Variants in MED27 observed in about 807,000 individuals in gnomAD.
MED27 encodes mediator of RNA polymerase II transcription subunit 27.
Under a neutral mutation model 38.2 loss-of-function variants are expected in MED27, and 30 were observed. That is an observed-to-expected ratio of 0.79 (90% CI 0.59 to 1.07). The LOEUF is 1.07. Among genes scored for constraint, MED27 ranks in the 50% least tolerant of loss-of-function variants. The probability of loss-of-function intolerance (pLI) is 0.00; values close to 1 mark genes in which losing one functional copy is unlikely to be tolerated. For synonymous variants in MED27, 122 were observed against 153.5 expected, an observed-to-expected ratio of 0.79 and a Z score of 1.52; for missense variants, 289 against 397.5, an observed-to-expected ratio of 0.73 and a Z score of 2.32.
intron 2 of MED27, among the ~76,000 whole-genome samples, chr9:132,027,637 C>T (rs1832852768): frequency 6.6e-6 from 1 of 152,182 alleles, no homozygotes; most frequent in South Asian, 2.1e-4. Context: ...GCCTTCTCAT[C>T]GATGTAGGCG....
intron 4 of MED27, among the ~76,000 whole-genome samples, chr9:131,909,592 G>C (rs1228193267): frequency 1.3e-5 from 2 of 152,234 alleles, no homozygotes; most frequent in Non-Finnish European, 2.9e-5. Flanking sequence ...TTAATATTTT[G>C]TCTGTAGGAT....
At chr9:131,971,312 C>A (rs1272726389) in intron 3 of MED27, among the ~76,000 whole-genome samples, 6 of 152,272 alleles carry the variant, frequency 3.9e-5, no homozygotes, top group Middle Eastern at 3.4e-3. Flanking sequence ...CACAGGTGGG[C>A]TCAAACTTGG....
chr9:131,991,240 G>C (rs1233442763), intron 3 of MED27, among the ~76,000 whole-genome samples: 1 of 152,204 alleles, frequency 6.6e-6, no homozygotes, highest in Non-Finnish European at 1.5e-5. Context: ...ACCTGTGAGA[G>C]AGAAATACTC....
chr9:132,024,660 A>T (rs114834681), intron 2 of MED27, among the ~76,000 whole-genome samples: 2,150 of 152,334 alleles, frequency 0.014, 53 homozygotes, highest in African/African-American at 0.048. Flanking sequence ...TTCTTCTCAT[A>T]CAACTGTGGA....
intron 3 of MED27, among the ~76,000 whole-genome samples, chr9:131,943,724 T>C (rs1808914868): frequency 6.6e-6 from 1 of 152,220 alleles, no homozygotes; most frequent in Non-Finnish European, 1.5e-5. Context: ...CACATATCTG[T>C]CAACCTGTTA....
intron 2 of MED27, among the ~76,000 whole-genome samples, chr9:132,039,103 A>C (rs934695728): frequency 6.6e-6 from 1 of 152,228 alleles, no homozygotes; most frequent in African/African-American, 2.4e-5. Flanking sequence ...GAATTCCATA[A>C]ACCAAAATGA....
At chr9:132,033,075 C>T (rs1306835298) in intron 2 of MED27, among the ~76,000 whole-genome samples, 1 of 152,192 alleles carries the variant, frequency 6.6e-6, no homozygotes, top group Non-Finnish European at 1.5e-5. Flanking sequence ...AAAGCAGCCC[C>T]ATACATGCTG....
chr9:132,073,481 A>T (rs1455547343), intron 2 of MED27: 1 of 1,186,236 alleles, frequency 8.4e-7, no homozygotes, highest in Non-Finnish European at 1.0e-6. Flanking sequence ...CTCTCCCCTG[A>T]GCCTTATAGT....
At chr9:131,980,741 C>A (rs1184123354) in intron 3 of MED27, among the ~76,000 whole-genome samples, 1 of 150,552 alleles carries the variant, frequency 6.6e-6, no homozygotes, top group East Asian at 1.9e-4. Context: ...TGACTAGTCC[C>A]ATTTAAAAAA....
chr9:132,033,843 A>G (rs1245563744), intron 2 of MED27, among the ~76,000 whole-genome samples: 5 of 152,258 alleles, frequency 3.3e-5, no homozygotes, highest in Non-Finnish European at 4.4e-5. Flanking sequence ...AAGGACATTC[A>G]TAACTTGGTT....
chr9:131,928,991 A>G (rs914370783), intron 4 of MED27, among the ~76,000 whole-genome samples: 3 of 152,218 alleles, frequency 2.0e-5, no homozygotes, highest in Admixed American at 1.3e-4. Flanking sequence ...AGGAGAGCGA[A>G]GAGTAAAGAG....
intron 3 of MED27, among the ~76,000 whole-genome samples, chr9:131,994,281 C>A (rs1361366767): frequency 6.6e-6 from 1 of 152,170 alleles, no homozygotes; most frequent in African/African-American, 2.4e-5. Context: ...ACAATTTCTA[C>A]AACCACATTA....
chr9:131,913,818 C>T lies in MED27; in HGVS notation c.574-19826G>A, dbSNP rs142091619. 2.4e-3 allele frequency among the ~76,000 whole-genome samples: 359 copies of T among 152,292 alleles called. 1 individual carries two copies. The highest frequency in any genetic ancestry group is 4.2e-3 in the Non-Finnish European group (285 of 68,022). On this transcript the variant is annotated intron_variant, in intron 4 of 7. Coordinates refer to ENST00000292035, the MANE Select transcript of MED27 (RefSeq NM_004269.4). The surrounding 1 kb of genome is among the most constrained non-coding windows in gnomAD (Gnocchi z 4.5). The stretch of plus-strand genomic sequence containing the variant: ...TGACACTTCTAACAAGCACCGAGGG[C>T]GGTCCAATGATTCCCTGAGCCACTG...
intron 3 of MED27, among the ~76,000 whole-genome samples, chr9:131,999,686 C>T (rs1826999146): frequency 6.6e-6 from 1 of 152,052 alleles, no homozygotes; most frequent in Non-Finnish European, 1.5e-5. Context: ...TAAAGAAGAG[C>T]AAGAATCTAG....
At chr9:132,071,657 T>C (rs1433850109) in intron 2 of MED27, among the ~76,000 whole-genome samples, 1 of 149,936 alleles carries the variant, frequency 6.7e-6, no homozygotes, top group Non-Finnish European at 1.5e-5. Context: ...CACGCATGAG[T>C]AACCCGTGCC....
At chr9:131,925,828 A>G (rs1052790322) in intron 4 of MED27, among the ~76,000 whole-genome samples, 27 of 152,248 alleles carry the variant, frequency 1.8e-4, no homozygotes, top group East Asian at 1.9e-4. Context: ...ATCATGCTGC[A>G]GCTCCTGGTC....
intron 3 of MED27, among the ~76,000 whole-genome samples, chr9:131,974,813 T>G (rs1831568914): frequency 6.6e-6 from 1 of 152,212 alleles, no homozygotes; most frequent in African/African-American, 2.4e-5. Context: ...CCAGCTGTAT[T>G]CCAGTGAGTA....
At chr9:131,878,295 A>AAAT (rs1328237737) in intron 6 of MED27, among the ~76,000 whole-genome samples, 1 of 151,642 alleles carries the variant, frequency 6.6e-6, no homozygotes, top group East Asian at 1.9e-4. Flanking sequence ...ATAAATAAAT[A>AAAT]AATAAATAAA....
At chr9:132,067,115 GA>G (rs1833825606) in intron 2 of MED27, among the ~76,000 whole-genome samples, 1 of 152,232 alleles carries the variant, frequency 6.6e-6, no homozygotes, top group Admixed American at 6.5e-5. Context: ...TGCACACTTA[GA>G]AATCGTTAAT....
Sources: allele counts gnomAD v4.1 joint callset (sites outside exome capture counted in the v4.1 genomes callset), GRCh38; gene constraint gnomAD v4.1.1; non-coding constraint Gnocchi (gnomAD v3.1); transcripts MANE v1.5; gene names NCBI Gene and HGNC (gene_info 2026-07-23, HGNC 2026-07-21).